Variants in UBE3C observed in about 807,000 individuals in gnomAD.
UBE3C encodes the protein ubiquitin protein ligase E3C.
Under a neutral mutation model 129.4 loss-of-function variants are expected in UBE3C, and 42 were observed. The ratio of observed to expected loss-of-function variants is 0.32; its 90% CI spans 0.25 to 0.42. The LOEUF (loss-of-function observed/expected upper bound fraction) is 0.42, where lower values mean the gene tolerates loss of function less well. Ranked by LOEUF, UBE3C falls within the 10% of genes least tolerant of loss-of-function variation. UBE3C has a pLI of 1.00. For missense variants in UBE3C, 1,049 were observed against 1,319.1 expected (o/e 0.80, Z 3.17); for synonymous variants, 510 against 492.4 (o/e 1.04, Z -0.47).
chr7:157,154,076 T>A (rs570880855), intron 1 of UBE3C, among the ~76,000 whole-genome samples: 86 of 109,844 alleles, frequency 7.8e-4, no homozygotes, highest in African/African-American at 4.8e-3. Context: ...TCCCAGCACC[T>A]TGGGAGGGAG....
At chr7:157,260,829 G>C (rs570790148) in intron 22 of UBE3C, among the ~76,000 whole-genome samples, 1 of 152,184 alleles carries the variant, frequency 6.6e-6, no homozygotes, top group Non-Finnish European at 1.5e-5. Context: ...AGTCCTGCCA[G>C]ACGTAGGTTC....
intron 22 of UBE3C, among the ~76,000 whole-genome samples, chr7:157,257,406 T>G (rs1796779775): frequency 6.6e-6 from 1 of 152,210 alleles, no homozygotes; most frequent in African/African-American, 2.4e-5. Context: ...GAGATGTTGA[T>G]GGAGTGTATA....
In UBE3C at chr7:157,231,216, G is replaced by T. The variant is rs527796795; in HGVS notation, c.2370G>T (p.Gly790=). 8.1e-6 allele frequency: 13 copies of T among 1,614,100 alleles called. No homozygotes were observed. Among genetic ancestry groups the T allele is most frequent in the Middle Eastern group, 1.6e-4 (1 of 6,062 alleles). Residue 790 remains glycine, a synonymous_variant, in exon 18 of 23, where the codon GGG becomes GGT. Transcript: ENST00000348165. ...LLKSGFNPNQ[G]FFKTTNEGLL... ...AGTCAGGATTTAACCCCAACCAGGGGTTCTTTAAGACTACTAATGAAGGGC... is the reference window on the plus strand; with the variant it reads ...AGTCAGGATTTAACCCCAACCAGGGTTTCTTTAAGACTACTAATGAAGGGC...
intron 5 of UBE3C, among the ~76,000 whole-genome samples, chr7:157,176,995 G>C (rs1026772959): frequency 6.6e-6 from 1 of 152,162 alleles, no homozygotes; most frequent in African/African-American, 2.4e-5. Context: ...ACCACCTGCA[G>C]CTCCTTTTAT....
intron 10 of UBE3C, among the ~76,000 whole-genome samples, chr7:157,190,059 C>A (rs545426199): frequency 6.6e-6 from 1 of 152,322 alleles, no homozygotes; most frequent in Non-Finnish European, 1.5e-5. Context: ...CTCAGCTTTC[C>A]AAAGTGCTGG....
chr7:157,144,580 A>G (rs1271274132), intron 1 of UBE3C, among the ~76,000 whole-genome samples: 1 of 152,158 alleles, frequency 6.6e-6, no homozygotes, highest in East Asian at 1.9e-4. Flanking sequence ...ATGAATATGG[A>G]TATAGAAAAG....
At chr7:157,226,802 C>T (rs1262303039) in intron 17 of UBE3C, among the ~76,000 whole-genome samples, 2 of 151,858 alleles carry the variant, frequency 1.3e-5, no homozygotes, top group African/African-American at 2.4e-5. Flanking sequence ...CAGCTGAGAC[C>T]GAGTAAACTT....
chr7:157,213,249 A>T (rs1390690550), intron 13 of UBE3C, among the ~76,000 whole-genome samples: 2 of 152,266 alleles, frequency 1.3e-5, no homozygotes, highest in East Asian at 3.8e-4. Context: ...AGCTAGATAC[A>T]GCTAGTTGTT....
At chr7:157,223,729 G>A (rs1356868498) in intron 16 of UBE3C, among the ~76,000 whole-genome samples, 1 of 152,112 alleles carries the variant, frequency 6.6e-6, no homozygotes, top group Non-Finnish European at 1.5e-5. Context: ...AGACCAGCCT[G>A]GGAAACATAG....
Position 157,208,055 on chromosome 7 carries a change from CTTTTTTTTTTTTTTTTTTTTTTT to C in UBE3C, c.1809+135_1809+157del, listed in dbSNP as rs35366316. 2.0e-3 allele frequency: 187 copies of C among 93,470 alleles called. 1 individual carries two copies. Among genetic ancestry groups the C allele is most frequent in the South Asian group, 5.7e-3 (20 of 3,526 alleles). 5.8% of individuals were successfully genotyped at this position (93,470 alleles called of 1,614,324 possible). Reference sequence around the variant, plus strand: ...TTCAGACATGTTTTAATTTGCAAGACTTTTTTTTTTTTTTTTTTTTTTTTTTTTTTTTTTTTTGATACATGGAC... The same window carrying C: ...TTCAGACATGTTTTAATTTGCAAGACTTTTTTTTTTTTTTGATACATGGAC... On this transcript the variant is annotated intron_variant, in intron 13 of 22. Transcript: ENST00000348165.
intron 1 of UBE3C, among the ~76,000 whole-genome samples, chr7:157,151,264 A>G (rs1439264142): frequency 6.6e-6 from 1 of 152,220 alleles, no homozygotes; most frequent in Non-Finnish European, 1.5e-5. Context: ...GCCTCAGCCT[A>G]TTAGGAGTTA....
At chr7:157,224,020 T>TG (rs1440394856) in intron 16 of UBE3C, among the ~76,000 whole-genome samples, 2 of 151,992 alleles carry the variant, frequency 1.3e-5, no homozygotes, top group East Asian at 3.9e-4. Context: ...GATGTTTTTT[T>TG]TTTTCTGAGA....
chr7:157,175,013 G>A lies in UBE3C; in HGVS notation c.437G>A (p.Arg146Lys). Residue 146 changes from arginine to lysine, a missense_variant, in exon 5 of 23, where the codon AGA (arginine) becomes AAA (lysine). Around this residue, in one of 4 missense-constraint regions of UBE3C, gnomAD observed 489 missense variants for 513.8 expected, o/e 0.95. Transcript: ENST00000348165. ...ERLTCLFQIK[R>K]LMSLCCRLLQ... ...CTTACATGCTTATTTCAGATAAAAA[G>A]ATTGATGAGCCTCTGTTGCAGGTAA... 1 of 1,611,548 alleles carries A rather than the reference G, an allele frequency of 6.2e-7. No individual in the cohort carries two copies. The highest frequency in any genetic ancestry group is 1.1e-5 in the South Asian group (1 of 90,444).
rs370843256 is a variant in UBE3C at position 157,254,402 on chromosome 7, A to ATT, written c.2950+103_2950+104dup. Reference sequence around the variant, plus strand: ...TTATTTTATTTTAATTAATTTATTTATTTTTTTTTTTTCAGACTGAGTTTC... The same window carrying ATT: ...TTATTTTATTTTAATTAATTTATTTATTTTTTTTTTTTTTCAGACTGAGTTTC... On this transcript the variant is annotated intron_variant, in intron 21 of 22. Coordinates refer to ENST00000348165, the MANE Select transcript of UBE3C (RefSeq NM_014671.3). 232 of 597,792 alleles carry ATT rather than the reference A, an allele frequency of 3.9e-4. 2 individuals carry two copies. Among genetic ancestry groups the ATT allele is most frequent in the Middle Eastern group, 1.2e-3 (2 of 1,632 alleles). 37.0% of individuals were successfully genotyped at this position (597,792 alleles called of 1,614,324 possible).
intron 18 of UBE3C, among the ~76,000 whole-genome samples, chr7:157,247,211 G>A (rs1030511189): frequency 1.3e-5 from 2 of 152,108 alleles, no homozygotes; most frequent in Admixed American, 6.6e-5. Context: ...TAACACGAAT[G>A]GCTTTTGTAG....
chr7:157,154,565 C>G (rs1422977508), intron 1 of UBE3C, among the ~76,000 whole-genome samples: 2 of 152,134 alleles, frequency 1.3e-5, no homozygotes, highest in African/African-American at 4.8e-5. Flanking sequence ...TATAATACTC[C>G]ATAGCATAGT....
intron 1 of UBE3C, among the ~76,000 whole-genome samples, chr7:157,162,524 A>G (rs1476890932): frequency 1.3e-5 from 2 of 149,714 alleles, no homozygotes; most frequent in Non-Finnish European, 3.0e-5. Context: ...ATTCATATAT[A>G]GTGTCTCCAA....
intron 4 of UBE3C, 88 bp from the exon 5 acceptor site, chr7:157,174,831 C>A: frequency 1.1e-6 from 1 of 885,708 alleles, no homozygotes; most frequent in Non-Finnish European, 1.7e-6. Flanking sequence ...ATGTGCATTG[C>A]CACTAAAGGA....
intron 22 of UBE3C, among the ~76,000 whole-genome samples, chr7:157,257,970 T>C (rs1458190639): frequency 6.7e-6 from 1 of 149,340 alleles, no homozygotes; most frequent in Non-Finnish European, 1.5e-5. Context: ...TTAAGTAAGA[T>C]GAGCACTCGC....
Sources: allele counts gnomAD v4.1 joint callset (sites outside exome capture counted in the v4.1 genomes callset), GRCh38; gene constraint gnomAD v4.1.1; regional missense constraint gnomAD v4.1.1; transcripts MANE v1.5; gene names NCBI Gene and HGNC (gene_info 2026-07-23, HGNC 2026-07-21).